The following CTTNBP2 variants were observed in gnomAD, a reference collection of about 807,000 sequenced individuals.
CTTNBP2 encodes the protein cortactin binding protein 2.
A neutral mutation model predicts 156.9 loss-of-function variants in CTTNBP2; 108 were observed. That is an observed-to-expected ratio of 0.69 (90% CI 0.59 to 0.81). CTTNBP2 has a LOEUF of 0.81. CTTNBP2 is among the 30% of genes least tolerant of loss of function. The probability of loss-of-function intolerance (pLI) is 0.00; values close to 1 mark genes in which losing one functional copy is unlikely to be tolerated. For synonymous variants in CTTNBP2, 767 were observed against 751.8 expected (o/e 1.02, Z -0.33); for missense variants, 1,924 against 2,035.4 (o/e 0.95, Z 1.05).
chr7:117,862,735 TTAC>T (rs1321324475), intron 1 of CTTNBP2, among the ~76,000 whole-genome samples: 3 of 152,178 alleles, frequency 2.0e-5, no homozygotes, highest in African/African-American at 7.2e-5. Flanking sequence ...TGCCAGAACA[TTAC>T]TTCACACTTG....
chr7:117,792,145 T>C lies in CTTNBP2; in HGVS notation c.1051A>G (p.Met351Val). The change falls in exon 4 of 23, where the codon ATG becomes GTG. Residue 351 changes from methionine to valine, a missense_variant. Coordinates refer to ENST00000160373, the MANE Select transcript of CTTNBP2 (RefSeq NM_033427.3). This position sits in a 1 kb window ranked among gnomAD's most constrained non-coding sequence, Gnocchi z 4.2. The part of the protein sequence containing the change: ...AKGSVCTSAT[M>V]ARPGIDRQAS... ...TGCCTGTCAATACCTGGTCTGGCCA[T>C]GGTGGCACTGGTGCACACGCTCCCT... 1 of 1,614,194 alleles carries C rather than the reference T, an allele frequency of 6.2e-7. No individual in the cohort carries two copies.
At chr7:117,718,154 A>ACAGT in intron 21 of CTTNBP2, 35 bp from the exon 22 acceptor site, 1 of 1,324,182 alleles carries the variant, frequency 7.6e-7, no homozygotes, top group Non-Finnish European at 1.1e-6. Flanking sequence ...TCATGTCTCC[A>ACAGT]CAGTCACACT....
At chr7:117,786,377 C>T in intron 4 of CTTNBP2, 1 of 443,148 alleles carries the variant, frequency 2.3e-6, no homozygotes, top group Non-Finnish European at 4.6e-6. Context: ...ATTTTTACTT[C>T]ATACTTACAA....
In CTTNBP2 at chr7:117,780,542, C is replaced by T. The variant is rs996354856; in HGVS notation, c.2422G>A (p.Asp808Asn). 3.8e-6 allele frequency: 6 copies of T among 1,594,274 alleles called. No homozygotes were observed. In the East Asian group the frequency reaches 1.4e-4, roughly 36 times the overall value. Reference sequence around the variant, plus strand: ...AGGTATAGAGGTGTCTGTCCTCCATCAGCAGCATGATTAATGTTAGCATCA... The same window carrying T: ...AGGTATAGAGGTGTCTGTCCTCCATTAGCAGCATGATTAATGTTAGCATCA... Reference protein sequence around the residue: ...SYDANINHAADGGQTPLYLAC... With the variant: ...SYDANINHAANGGQTPLYLAC... Residue 808 changes from aspartate to asparagine, a missense_variant, in exon 7 of 23, where the codon GAT (aspartate) becomes AAT (asparagine). Coordinates refer to ENST00000160373, the MANE Select transcript of CTTNBP2 (RefSeq NM_033427.3).
chr7:117,788,758 G>T (rs1246304005), intron 4 of CTTNBP2, among the ~76,000 whole-genome samples: 1 of 152,180 alleles, frequency 6.6e-6, no homozygotes, highest in African/African-American at 2.4e-5. Context: ...CCATTTCCCA[G>T]TCTAGGTGCT....
At chr7:117,872,954 G>A (rs920375492) in intron 1 of CTTNBP2, among the ~76,000 whole-genome samples, 35 of 152,242 alleles carry the variant, frequency 2.3e-4, no homozygotes, top group African/African-American at 8.2e-4. Context: ...GCAGCGAGAG[G>A]TGAACAATGG....
chr7:117,817,361 A>ATGAATATATATATATATATAT (rs1298639361), intron 2 of CTTNBP2, among the ~76,000 whole-genome samples: 1 of 53,286 alleles, frequency 1.9e-5, no homozygotes, highest in Admixed American at 2.7e-4. Flanking sequence ...AAAAAAAAAA[A>ATGAATATATATATATATATAT]ATATATATAT....
At chr7:117,849,237 C>T (rs1344507913) in intron 2 of CTTNBP2, among the ~76,000 whole-genome samples, 3 of 152,204 alleles carry the variant, frequency 2.0e-5, no homozygotes, top group African/African-American at 7.2e-5. Flanking sequence ...TACACAAATA[C>T]ACCAGCTTTA....
intron 15 of CTTNBP2, 41 bp downstream of exon 15, chr7:117,735,228 C>A: frequency 6.2e-7 from 1 of 1,601,982 alleles, no homozygotes; most frequent in Non-Finnish European, 8.5e-7. Context: ...TAGAATATTA[C>A]AGAAGCTTGC....
rs1303492870 is a variant in CTTNBP2 at position 117,728,567 on chromosome 7, A to G, written c.3877-300T>C. ...AAAAATAACTCGCCCAAGGTCCCAC[A>G]GGTAATAGTGGCAAAGCCAGGGCTA... On this transcript the variant is annotated intron_variant, in intron 16 of 22. Transcript: ENST00000160373. Among the ~76,000 whole-genome samples, 4 of 152,218 alleles carry G rather than the reference A, an allele frequency of 2.6e-5. No homozygotes were observed. In the East Asian group the frequency reaches 5.8e-4, roughly 22 times the overall value.
At chr7:117,828,649 CA>C (rs1186835656) in intron 2 of CTTNBP2, among the ~76,000 whole-genome samples, 1 of 152,328 alleles carries the variant, frequency 6.6e-6, no homozygotes, top group Admixed American at 6.5e-5. Context: ...CCATTTGTCA[CA>C]AGCCTGTTTG....
At chr7:117,868,341 T>A (rs1291709220) in intron 1 of CTTNBP2, among the ~76,000 whole-genome samples, 1 of 152,210 alleles carries the variant, frequency 6.6e-6, no homozygotes, top group Non-Finnish European at 1.5e-5. Context: ...GTCTTTTCAA[T>A]GAAATATAAA....
intron 2 of CTTNBP2, among the ~76,000 whole-genome samples, chr7:117,824,445 G>C (rs913978795): frequency 6.6e-6 from 1 of 151,560 alleles, no homozygotes; most frequent in African/African-American, 2.4e-5. Flanking sequence ...CTTTCCACTG[G>C]GTTCCGGGAG....
rs569958264 is a variant in CTTNBP2, at chr7:117,716,507, A to G, written c.4746+1511T>C. On this transcript the variant is annotated intron_variant, in intron 22 of 22. Transcript: ENST00000160373. ...GTCCAGTCAAGCACAGCTCAGAGCA[A>G]GCCAATAAATACAGGGGGAGTGAGT... is the stretch of plus-strand genomic sequence containing the variant. Among the ~76,000 whole-genome samples the G allele has an allele frequency of 1.0e-3, 154 of 152,270 alleles. 4 individuals are homozygous for G. In the South Asian group the frequency reaches 0.027, roughly 27 times the overall value.
rs1801147803 is a variant in CTTNBP2, at chr7:117,824,248, T to C, written c.190-13259A>G. ...AAAATACATAATATTTTAAGATTAT[T>C]CTTGGCATCAGCTGGTATATTCTGG... On this transcript the variant is annotated intron_variant, in intron 2 of 22. Coordinates refer to ENST00000160373, the MANE Select transcript of CTTNBP2 (RefSeq NM_033427.3). Among the ~76,000 whole-genome samples, 2 of 152,294 alleles carry C rather than the reference T, an allele frequency of 1.3e-5. 1 individual carries two copies. Among genetic ancestry groups the C allele is most frequent in the East Asian group, 3.9e-4 (2 of 5,184 alleles).
chr7:117,770,777 A>T (rs1306234149), intron 8 of CTTNBP2, among the ~76,000 whole-genome samples: 1 of 151,904 alleles, frequency 6.6e-6, no homozygotes, highest in East Asian at 1.9e-4. Flanking sequence ...AAGTATCCAC[A>T]CTCTCTCCTT....
At chr7:117,863,940 T>C (rs1176954400) in intron 1 of CTTNBP2, among the ~76,000 whole-genome samples, 1 of 152,034 alleles carries the variant, frequency 6.6e-6, no homozygotes, top group Non-Finnish European at 1.5e-5. Context: ...TGCTTTAGAG[T>C]GTAATGCTTT....
intron 9 of CTTNBP2, among the ~76,000 whole-genome samples, chr7:117,761,184 C>T (rs1402929869): frequency 6.6e-5 from 10 of 152,098 alleles, no homozygotes; most frequent in South Asian, 4.2e-4. Context: ...CCTATAGATG[C>T]GTGTTCTTGT....
Position 117,757,970 on chromosome 7 carries a change from C to T in CTTNBP2, c.3173G>A (p.Gly1058Glu), listed in dbSNP as rs1354602196. 2 of 1,610,198 alleles carry T rather than the reference C, an allele frequency of 1.2e-6. No homozygotes were observed. The highest frequency in any genetic ancestry group is 3.4e-5 in the Admixed American group (2 of 59,388). Residue 1058 changes from glycine (G) to glutamate (E), a missense_variant and splice_region_variant, in exon 11 of 23, where the codon GGA becomes GAA. Coordinates refer to ENST00000160373, the MANE Select transcript of CTTNBP2 (RefSeq NM_033427.3). Reference sequence around the variant, plus strand: ...CTGACCCACTGACCACGGCACATTTCCTAGTTTCAAAAAATGAAATAAAAT... The same window carrying T: ...CTGACCCACTGACCACGGCACATTTTCTAGTTTCAAAAAATGAAATAAAAT... ...SARSIRSITL[G>E]NVPWSVGQSF...
Sources: gnomAD v4.1 joint callset for allele counts (sites outside exome capture counted in the v4.1 genomes callset) on GRCh38, gnomAD v4.1.1 for gene constraint, Gnocchi (gnomAD v3.1) non-coding constraint, MANE v1.5 for transcripts, NCBI Gene and HGNC (gene_info 2026-07-23, HGNC 2026-07-21) for gene names.